Variants in NIPA2 observed in about 807,000 individuals in gnomAD.
NIPA2 encodes the protein NIPA magnesium transporter 2.
Under a neutral mutation model 29.7 loss-of-function variants are expected in NIPA2, and 11 were observed. That is an observed-to-expected ratio of 0.37 (90% CI 0.23 to 0.61). NIPA2 has a LOEUF of 0.61. Among genes scored for constraint, NIPA2 ranks in the 20% least tolerant of loss-of-function variants. The probability of loss-of-function intolerance (pLI) is 0.66; values close to 1 mark genes in which losing one functional copy is unlikely to be tolerated. For synonymous variants in NIPA2, 183 were observed against 161.9 expected (o/e 1.13, Z -0.99); for missense variants, 426 against 437.9 (o/e 0.97, Z 0.24).
intron 5 of NIPA2, 106 bp downstream of exon 5, chr15:22,853,374 C>CTT (rs35568106): frequency 2.8e-3 from 1,052 of 378,846 alleles, no homozygotes; most frequent in East Asian, 4.0e-3. Flanking sequence ...TTTAAATAAT[C>CTT]TTTTTTTTTT....
intron 2 of NIPA2, among the ~76,000 whole-genome samples, chr15:22,840,287 A>G (rs1054658086): frequency 1.4e-5 from 2 of 143,706 alleles, no homozygotes; most frequent in Non-Finnish European, 3.0e-5. Flanking sequence ...AGCTCTATAT[A>G]TAGTTTTTTT....
chr15:22,841,758 C>T (rs1365943066), intron 2 of NIPA2, among the ~76,000 whole-genome samples: 3 of 152,134 alleles, frequency 2.0e-5, no homozygotes, highest in Non-Finnish European at 4.4e-5. Flanking sequence ...CCACCCGCCT[C>T]GACCTCCCAA....
Position 22,866,440 on chromosome 15 carries a change from A to G in NIPA2, c.676A>G (p.Ile226Val), listed in dbSNP as rs765591545. The change falls in exon 8 of 8, where the codon ATC becomes GTC. Residue 226 changes from isoleucine (I) to valine (V), a missense_variant. Coordinates refer to ENST00000337451, the MANE Select transcript of NIPA2 (RefSeq NM_030922.7). ...PLAWILLLSL[I>V]VCVSTQINYL... is the part of the protein sequence containing the mutation. ...GGCTTGGATTCTGCTGCTGAGCCTC[A>G]TCGTCTGTGTGAGCACACAGATTAA... 2.2e-5 allele frequency: 35 copies of G among 1,613,986 alleles called. No homozygotes were observed. Among genetic ancestry groups the G allele is most frequent in the Admixed American group, 1.7e-4 (10 of 59,996 alleles).
In NIPA2 at chr15:22,851,651, C is replaced by G. The variant is rs545703958; in HGVS notation, c.-81C>G. On this transcript the variant is annotated 5_prime_UTR_variant, in exon 4 of 8. Coordinates refer to ENST00000337451, the MANE Select transcript of NIPA2 (RefSeq NM_030922.7). ...TTTTATTGTTTAGGTTTGAAGACTG[C>G]TTCATTCTGCCTCTAGTACCAGCGG... 4.1e-6 allele frequency: 5 copies of G among 1,206,792 alleles called. No homozygotes were observed. The Admixed American group carries it at 1.2e-4, about 29-fold the overall frequency. The allele number at this position is 1,206,792 out of a possible 1,614,324, so 74.8% of individuals were successfully genotyped here.
At chr15:22,849,123 C>A (rs1311099733) in intron 3 of NIPA2, among the ~76,000 whole-genome samples, 3 of 152,114 alleles carry the variant, frequency 2.0e-5, no homozygotes, top group African/African-American at 7.2e-5. Flanking sequence ...GTTCTCCTAC[C>A]TTGTCTTTAA....
intron 2 of NIPA2, among the ~76,000 whole-genome samples, chr15:22,840,186 C>T (rs1896637396): frequency 6.6e-6 from 1 of 151,844 alleles, no homozygotes; most frequent in Non-Finnish European, 1.5e-5. Context: ...CTCCAAAGTG[C>T]GGGGATTACA....
At position 22,860,648 on chromosome 15, in the gene NIPA2, T is replaced by C; in HGVS notation, c.307T>C (p.Phe103Leu). ...TTTTAGTGCCATTCTTTCTTCATAC[T>C]TTCTCAATGAAAGACTTAATCTTCA... Reference protein sequence around the residue: ...VLVSAILSSYFLNERLNLHGK... With the variant: ...VLVSAILSSYLLNERLNLHGK... The change falls in exon 7 of 8, where the codon TTT becomes CTT. Residue 103 changes from phenylalanine (F) to leucine (L), a missense_variant. Phe to Leu is a conservative substitution (Grantham distance 22). Coordinates refer to ENST00000337451, the MANE Select transcript of NIPA2 (RefSeq NM_030922.7). 6.3e-7 allele frequency: 1 copy of C among 1,576,462 alleles called. No homozygotes were observed. The highest frequency in any genetic ancestry group is 8.6e-7 in the Non-Finnish European group (1 of 1,167,870).
chr15:22,858,697 CTAAT>C, intron 6 of NIPA2, 67 bp downstream of exon 6: 1 of 928,976 alleles, frequency 1.1e-6, no homozygotes, highest in Non-Finnish European at 1.6e-6. Flanking sequence ...TCAGTACCAT[CTAAT>C]TAAATATGTT....
intron 7 of NIPA2, 106 bp from the exon 8 acceptor site, chr15:22,866,107 A>G: frequency 2.2e-6 from 2 of 895,910 alleles, no homozygotes; most frequent in Non-Finnish European, 3.4e-6. Context: ...TTTTATTTCC[A>G]GGCCATACCT....
intron 7 of NIPA2, among the ~76,000 whole-genome samples, chr15:22,864,185 T>C (rs1290542123): frequency 6.6e-6 from 1 of 152,162 alleles, no homozygotes; most frequent in Non-Finnish European, 1.5e-5. Context: ...AGACAGAGTC[T>C]TGCTCTGTTG....
chr15:22,860,829 T>C (rs746544630), intron 7 of NIPA2, 40 bp downstream of exon 7: 2 of 1,475,762 alleles, frequency 1.4e-6, no homozygotes, highest in Non-Finnish European at 1.8e-6. Context: ...TATTTTACTT[T>C]TTAACTTAGT....
intron 6 of NIPA2, 69 bp from the exon 7 acceptor site, chr15:22,860,560 G>A: frequency 9.8e-7 from 1 of 1,024,854 alleles, no homozygotes; most frequent in South Asian, 1.7e-5. Flanking sequence ...TAAATTACGA[G>A]TTTTATTGAT....
Position 22,866,553 on chromosome 15 carries a change from T to C in NIPA2, c.789T>C (p.Cys263=), listed in dbSNP as rs1365947881. The change falls in exon 8 of 8, where the codon TGT becomes TGC. Residue 263 remains cysteine (C), a synonymous_variant. Coordinates refer to ENST00000337451, the MANE Select transcript of NIPA2 (RefSeq NM_030922.7). ...YVFFTTSVLT[C]SAILFKEWQD... is the part of the protein sequence containing the mutation. ...TCTTTACAACATCAGTTTTAACTTG[T>C]TCAGCTATTCTTTTTAAGGAGTGGC... is the stretch of plus-strand genomic sequence containing the variant. 6.2e-7 allele frequency: 1 copy of C among 1,614,162 alleles called. No individual in the cohort carries two copies. Among genetic ancestry groups the C allele is most frequent in the South Asian group, 1.1e-5 (1 of 91,090 alleles).
rs1350914122 is a variant in NIPA2 at position 22,866,711 on chromosome 15, A to T, written c.947A>T (p.Asp316Val). 6.2e-7 allele frequency: 1 copy of T among 1,614,154 alleles called. No homozygotes were observed. The highest frequency in any genetic ancestry group is 1.7e-5 in the Admixed American group (1 of 60,020). Residue 316 changes from aspartate to valine, a missense_variant, in exon 8 of 8, where the codon GAC (aspartate) becomes GTC (valine). Physicochemically the swap from Asp to Val is radical, Grantham distance 152. Transcript: ENST00000337451. ...LASLPVSFRK[D>V]EKAMNGNLSN... ...AGTCTGCCTGTGTCTTTTCGAAAAGACGAGAAAGCAATGAATGGCAATCTC... is the reference window on the plus strand; with the variant it reads ...AGTCTGCCTGTGTCTTTTCGAAAAGTCGAGAAAGCAATGAATGGCAATCTC...
At chr15:22,844,322 A>G (rs1897978015) in intron 2 of NIPA2, among the ~76,000 whole-genome samples, 1 of 152,052 alleles carries the variant, frequency 6.6e-6, no homozygotes, top group East Asian at 1.9e-4. Context: ...GCACTTTGGG[A>G]GGCCAAGGTG....
intron 4 of NIPA2, among the ~76,000 whole-genome samples, chr15:22,852,586 C>A (rs1365699017): frequency 2.0e-5 from 3 of 151,972 alleles, no homozygotes; most frequent in Non-Finnish European, 4.4e-5. Context: ...AAAGACTGGG[C>A]TTCCCCAGCT....
At chr15:22,864,034 G>C (rs2058796513) in intron 7 of NIPA2, among the ~76,000 whole-genome samples, 1 of 152,004 alleles carries the variant, frequency 6.6e-6, no homozygotes, top group Admixed American at 6.6e-5. Flanking sequence ...GAGGATATTA[G>C]TAATTTTTTT....
intron 7 of NIPA2, 50 bp downstream of exon 7, chr15:22,860,839 TTTTTACTTTAATCGAAATTTG>T: frequency 7.0e-7 from 1 of 1,422,172 alleles, no homozygotes; most frequent in Non-Finnish European, 9.6e-7. Flanking sequence ...TTTAACTTAG[TTTTTACTTTAATCGAAATTTG>T]ATGAGCACAT....
chr15:22,852,512 C>T (rs1022470557), intron 4 of NIPA2, among the ~76,000 whole-genome samples: 1 of 149,614 alleles, frequency 6.7e-6, no homozygotes, highest in Non-Finnish European at 1.5e-5. Context: ...TTATTAAAGG[C>T]TGGGATCTTT....
Sources: gnomAD v4.1 joint callset for allele counts (sites outside exome capture counted in the v4.1 genomes callset) on GRCh38, gnomAD v4.1.1 for gene constraint, MANE v1.5 for transcripts, NCBI Gene and HGNC (gene_info 2026-07-23, HGNC 2026-07-21) for gene names.